Variants in OTOA observed in about 807,000 individuals in gnomAD.
OTOA encodes the protein cancer/testis antigen 108.
Under a neutral mutation model 110.8 loss-of-function variants are expected in OTOA, and 70 were observed. That is an observed-to-expected ratio of 0.63 (90% CI 0.52 to 0.77). OTOA has a LOEUF of 0.77. Ranked by LOEUF, OTOA falls within the 30% of genes least tolerant of loss-of-function variation. OTOA has a pLI of 0.00. For synonymous variants in OTOA, 373 were observed against 431.5 expected (o/e 0.86, Z 1.68); for missense variants, 917 against 1,075.8 (o/e 0.85, Z 2.06).
At chr16:21,668,959 G>T (rs1300149119) in intron 1 of OTOA, among the ~76,000 whole-genome samples, 2 of 151,960 alleles carry the variant, frequency 1.3e-5, no homozygotes, top group Non-Finnish European at 2.9e-5. Context: ...TTGGCAATGG[G>T]GGTGCCATGG....
chr16:21,709,791 G>A, intron 12 of OTOA, 97 bp from the exon 13 acceptor site: 2 of 1,064,584 alleles, frequency 1.9e-6, no homozygotes, highest in East Asian at 4.7e-5. Context: ...ACAGGGTCAA[G>A]GGAGGTGCTG....
chr16:21,674,428 G>A (rs371043247), intron 1 of OTOA, among the ~76,000 whole-genome samples: 226 of 151,754 alleles, frequency 1.5e-3, no homozygotes, highest in African/African-American at 5.4e-3. Context: ...CCGCCTCCTC[G>A]GTTCAAGCAA....
chr16:21,728,506 C>A, intron 20 of OTOA, 75 bp downstream of exon 20: 1 of 1,503,840 alleles, frequency 6.6e-7, no homozygotes, highest in South Asian at 1.2e-5. Context: ...GGCTCTCCTG[C>A]CCTGCAAACA....
At chr16:21,712,210 T>G (rs938074313) in intron 13 of OTOA, among the ~76,000 whole-genome samples, 5 of 151,906 alleles carry the variant, frequency 3.3e-5, no homozygotes, top group African/African-American at 4.8e-5. Flanking sequence ...ACCCGTAATT[T>G]CAGCTACTTG....
In OTOA at chr16:21,689,686, G is replaced by A. The variant is rs373632473; in HGVS notation, c.636-1898G>A. Among the ~76,000 whole-genome samples the A allele has an allele frequency of 2.0e-4, 30 of 151,724 alleles. No individual in the cohort carries two copies. In the East Asian group the frequency reaches 3.7e-3, roughly 19 times the overall value. ...CCACTGAATTGTGCACTTTATTTAT[G>A]TAATTTTTTTTTTTTTGAGACAGAG... On this transcript the variant is annotated intron_variant, in intron 8 of 28. Transcript: ENST00000646100.
intron 17 of OTOA, among the ~76,000 whole-genome samples, chr16:21,721,006 CT>C (rs1898715704): frequency 6.6e-6 from 1 of 151,566 alleles, no homozygotes; most frequent in South Asian, 2.1e-4. Flanking sequence ...ACCTCCGCCC[CT>C]GGGTTCAAGT....
intron 1 of OTOA, among the ~76,000 whole-genome samples, chr16:21,667,249 C>G (rs1437048452): frequency 1.3e-5 from 2 of 152,156 alleles, no homozygotes; most frequent in Non-Finnish European, 2.9e-5. Context: ...TTGTCCTGGG[C>G]AGTAAAGTAA....
chr16:21,726,241 C>A (rs559956703), intron 18 of OTOA, among the ~76,000 whole-genome samples: 1 of 152,002 alleles, frequency 6.6e-6, no homozygotes, highest in East Asian at 1.9e-4. Flanking sequence ...AGAAGAGGGT[C>A]ATGATGGGAA....
chr16:21,684,593 G>A, intron 6 of OTOA: 6 of 1,486,208 alleles, frequency 4.0e-6, no homozygotes, highest in Non-Finnish European at 5.5e-6. Flanking sequence ...CTGGGCCTGA[G>A]AGTTACTTCA....
intron 9 of OTOA, among the ~76,000 whole-genome samples, chr16:21,693,662 A>G (rs1300288186): frequency 6.6e-6 from 1 of 152,148 alleles, no homozygotes; most frequent in Admixed American, 6.5e-5. Flanking sequence ...GCTCACTGCA[A>G]CCTCTGCCTC....
At chr16:21,678,686 G>T in intron 2 of OTOA, 81 bp downstream of exon 2, 1 of 1,330,642 alleles carries the variant, frequency 7.5e-7, no homozygotes, top group Non-Finnish European at 1.1e-6. Context: ...TTAGGTACAT[G>T]ATGCTGTAAG....
chr16:21,672,345 G>A (rs8058250), intron 1 of OTOA, among the ~76,000 whole-genome samples: 3,311 of 151,956 alleles, frequency 0.022, 122 homozygotes, highest in African/African-American at 0.075. Flanking sequence ...CATATACGCC[G>A]GGCACGGTGG....
intron 13 of OTOA, among the ~76,000 whole-genome samples, chr16:21,710,475 C>T (rs951575416): frequency 2.0e-5 from 3 of 152,154 alleles, no homozygotes; most frequent in East Asian, 3.9e-4. Flanking sequence ...CCTCCCAATG[C>T]CATCACATTA....
chr16:21,697,949 TG>T, intron 10 of OTOA, 74 bp downstream of exon 10: 2 of 1,311,136 alleles, frequency 1.5e-6, no homozygotes, highest in Non-Finnish European at 2.2e-6. Flanking sequence ...CAAACTCTAA[TG>T]TTCATCCAGC....
Position 21,681,814 on chromosome 16 carries a change from C to G in OTOA, c.256C>G (p.Pro86Ala). The change falls in exon 6 of 29, where the codon CCC (proline) becomes GCC (alanine). Residue 86 changes from proline (P) to alanine (A), a missense_variant. By Grantham distance (27) the Pro-to-Ala change is conservative (BLOSUM62 -1). Around this residue, in one of 6 missense-constraint regions of OTOA, gnomAD observed 840 missense variants for 910.2 expected, o/e 0.92. Transcript: ENST00000646100. Reference protein sequence around the residue: ...LNSRNVAFTIPSLQAAVENHL... With the variant: ...LNSRNVAFTIASLQAAVENHL... Reference sequence around the variant, plus strand: ...TTCCCGGAATGTTGCCTTCACCATCCCCAGCCTGCAGGTGTGTACCTGAGA... The same window carrying G: ...TTCCCGGAATGTTGCCTTCACCATCGCCAGCCTGCAGGTGTGTACCTGAGA... The G allele has an allele frequency of 6.2e-7, 1 of 1,613,808 alleles. No individual in the cohort carries two copies. The highest frequency in any genetic ancestry group is 1.1e-5 in the South Asian group (1 of 91,082).
chr16:21,692,341 G>A (rs1361515190), intron 9 of OTOA, among the ~76,000 whole-genome samples: 1 of 151,008 alleles, frequency 6.6e-6, no homozygotes, highest in East Asian at 1.9e-4. Context: ...AAAAAAAAAA[G>A]AGAGAGAGAC....
intron 14 of OTOA, among the ~76,000 whole-genome samples, chr16:21,715,415 G>T (rs1186418398): frequency 6.6e-6 from 1 of 151,494 alleles, no homozygotes; most frequent in Non-Finnish European, 1.5e-5. Context: ...CAGGTTTCCT[G>T]ATCTTATAAC....
intron 21 of OTOA, 32 bp from the exon 22 acceptor site, chr16:21,736,229 T>C: frequency 6.3e-7 from 1 of 1,589,446 alleles, no homozygotes; most frequent in Non-Finnish European, 8.6e-7. Context: ...GTTTTAATTA[T>C]TATTCCTCTT....
At chr16:21,678,833 G>A in intron 2 of OTOA, 82 bp from the exon 3 acceptor site, 3 of 1,528,956 alleles carry the variant, frequency 2.0e-6, no homozygotes, top group African/African-American at 1.4e-5. Flanking sequence ...TGGCTTTCTG[G>A]GGCTTTTCCT....
Sources: gnomAD v4.1 joint callset for allele counts (sites outside exome capture counted in the v4.1 genomes callset) on GRCh38, gnomAD v4.1.1 for gene constraint, gnomAD v4.1.1 regional missense constraint, MANE v1.5 for transcripts, NCBI Gene and HGNC (gene_info 2026-07-23, HGNC 2026-07-21) for gene names.